HS3ST4: variants seen among roughly 807,000 people sequenced by gnomAD.
The protein encoded by HS3ST4 is heparan sulfate glucosamine 3-O-sulfotransferase 4.
Under a neutral mutation model 29.2 loss-of-function variants are expected in HS3ST4, and 17 were observed. That is an observed-to-expected ratio of 0.58 (90% CI 0.40 to 0.87). HS3ST4 has a LOEUF of 0.87. Ranked by LOEUF, HS3ST4 falls within the 40% of genes least tolerant of loss-of-function variation. The probability of loss-of-function intolerance (pLI) is 0.00; values close to 1 mark genes in which losing one functional copy is unlikely to be tolerated. For missense variants in HS3ST4, 627 were observed against 634.5 expected (o/e 0.99, Z 0.13); for synonymous variants, 314 against 285.7 (o/e 1.10, Z -1.00).
chr16:26,064,761 G>C (rs961994155), intron 1 of HS3ST4, among the ~76,000 whole-genome samples: 1 of 152,062 alleles, frequency 6.6e-6, no homozygotes, highest in Non-Finnish European at 1.5e-5. Flanking sequence ...GGGATCACAG[G>C]CATGTGCCAT....
At chr16:25,850,852 A>AGGTTCCCC (rs1967513473) in intron 1 of HS3ST4, among the ~76,000 whole-genome samples, 1 of 152,200 alleles carries the variant, frequency 6.6e-6, no homozygotes. Context: ...AACAGGGAGT[A>AGGTTCCCC]TGGTGGGAGA....
At chr16:26,011,550 ACT>A (rs1026410406) in intron 1 of HS3ST4, among the ~76,000 whole-genome samples, 1 of 152,006 alleles carries the variant, frequency 6.6e-6, no homozygotes, top group African/African-American at 2.4e-5. Context: ...ACAGAGCAAG[ACT>A]CTGTCTCAAA....
intron 1 of HS3ST4, among the ~76,000 whole-genome samples, chr16:25,764,468 T>C (rs1177513792): frequency 6.6e-6 from 1 of 152,188 alleles, no homozygotes; most frequent in Non-Finnish European, 1.5e-5. Flanking sequence ...TGTGTGTACA[T>C]GTGTGTGTGC....
chr16:25,714,281 G>A (rs570845931), intron 1 of HS3ST4, among the ~76,000 whole-genome samples: 11 of 152,196 alleles, frequency 7.2e-5, no homozygotes, highest in Admixed American at 5.9e-4. Context: ...AACCTCATTC[G>A]CCAGACGGGA....
chr16:25,879,883 C>T (rs1967875744), intron 1 of HS3ST4, among the ~76,000 whole-genome samples: 1 of 151,978 alleles, frequency 6.6e-6, no homozygotes, highest in African/African-American at 2.4e-5. Context: ...TCTTACATCA[C>T]AGCAGGCAAG....
intron 1 of HS3ST4, among the ~76,000 whole-genome samples, chr16:26,017,428 G>A (rs1386515200): frequency 2.0e-5 from 3 of 152,144 alleles, no homozygotes; most frequent in Non-Finnish European, 4.4e-5. Flanking sequence ...GGCTGCGTGT[G>A]GCAATACATT....
intron 1 of HS3ST4, among the ~76,000 whole-genome samples, chr16:25,996,426 ATTTAGAT>A (rs1423370919): frequency 6.6e-6 from 1 of 152,104 alleles, no homozygotes; most frequent in East Asian, 1.9e-4. Context: ...TTTCCTTTAC[ATTTAGAT>A]TTTAATCTGC....
intron 1 of HS3ST4, among the ~76,000 whole-genome samples, chr16:26,118,856 G>T (rs1899234183): frequency 6.6e-6 from 1 of 152,152 alleles, no homozygotes; most frequent in Admixed American, 6.5e-5. Context: ...ATACCATATA[G>T]GGCTCGTAAT....
intron 1 of HS3ST4, among the ~76,000 whole-genome samples, chr16:25,708,644 T>G (rs1966392702): frequency 6.6e-6 from 1 of 152,156 alleles, no homozygotes; most frequent in African/African-American, 2.4e-5. Context: ...AATTTGAAAA[T>G]TGCATGTTGA....
chr16:25,725,735 A>G (rs548619320), intron 1 of HS3ST4, among the ~76,000 whole-genome samples: 1 of 150,678 alleles, frequency 6.6e-6, no homozygotes, highest in Admixed American at 6.6e-5. Context: ...ATAGAATGCA[A>G]ATACATATAA....
At chr16:25,899,662 C>T (rs1191208242) in intron 1 of HS3ST4, among the ~76,000 whole-genome samples, 5 of 150,104 alleles carry the variant, frequency 3.3e-5, no homozygotes, top group Admixed American at 1.3e-4. Context: ...CATGCCACCA[C>T]GCTCAGCTAT....
chr16:25,942,177 G>A (rs1968578533), intron 1 of HS3ST4, among the ~76,000 whole-genome samples: 1 of 152,160 alleles, frequency 6.6e-6, no homozygotes, highest in Non-Finnish European at 1.5e-5. Flanking sequence ...CAGAACTCAA[G>A]CATGTTGTAG....
intron 1 of HS3ST4, among the ~76,000 whole-genome samples, chr16:26,016,005 G>A (rs1969359090): frequency 1.3e-5 from 2 of 152,086 alleles, no homozygotes; most frequent in African/African-American, 2.4e-5. Flanking sequence ...ATTATACAAT[G>A]CACAAGGCAG....
chr16:26,078,204 G>A (rs549527317), intron 1 of HS3ST4, among the ~76,000 whole-genome samples: 25 of 152,284 alleles, frequency 1.6e-4, no homozygotes, highest in African/African-American at 6.0e-4. Context: ...GCAGTGGCAT[G>A]ATCTCGGCAC....
intron 1 of HS3ST4, among the ~76,000 whole-genome samples, chr16:25,750,336 C>T (rs935398944): frequency 1.3e-5 from 2 of 152,176 alleles, no homozygotes; most frequent in Admixed American, 6.6e-5. Flanking sequence ...TATAACCTAA[C>T]CTTGGACATC....
At chr16:25,903,369 A>ATATATGTATATGTATATCTTT in intron 1 of HS3ST4, among the ~76,000 whole-genome samples, 1 of 146,874 alleles carries the variant, frequency 6.8e-6, no homozygotes, top group Admixed American at 6.9e-5. Context: ...TATATCTTAT[A>ATATATGTATATGTATATCTTT]TATATATATA....
intron 1 of HS3ST4, among the ~76,000 whole-genome samples, chr16:26,008,332 T>C (rs553377689): frequency 2.0e-5 from 3 of 152,186 alleles, no homozygotes; most frequent in African/African-American, 4.8e-5. Flanking sequence ...GCTTACTTCA[T>C]TATGTCTGTT....
intron 1 of HS3ST4, among the ~76,000 whole-genome samples, chr16:25,799,254 C>T (rs1164200204): frequency 2.6e-5 from 4 of 152,138 alleles, no homozygotes; most frequent in Admixed American, 6.6e-5. Flanking sequence ...CCTTGAAGTA[C>T]CATGTTTTTT....
chr16:25,901,531 C>T (rs573224788), intron 1 of HS3ST4, among the ~76,000 whole-genome samples: 13 of 152,092 alleles, frequency 8.5e-5, no homozygotes, highest in Non-Finnish European at 1.8e-4. Context: ...ATTAGCCAGG[C>T]GTGGTGGCTG....
Sources: allele counts gnomAD v4.1 joint callset (sites outside exome capture counted in the v4.1 genomes callset), GRCh38; gene constraint gnomAD v4.1.1; transcripts MANE v1.5; gene names NCBI Gene and HGNC (gene_info 2026-07-23, HGNC 2026-07-21).